Variants in CIZ1 observed in about 807,000 individuals in gnomAD.
CIZ1 encodes the protein cip1-interacting zinc finger protein.
Under a neutral mutation model 118.6 loss-of-function variants are expected in CIZ1, and 58 were observed. The observed-to-expected ratio is 0.49, with a 90% CI of 0.40 to 0.61. The LOEUF (loss-of-function observed/expected upper bound fraction) is 0.61, where lower values mean the gene tolerates loss of function less well. CIZ1 is among the 20% of genes least tolerant of loss of function. The pLI is 0.00. For missense variants in CIZ1, 921 were observed against 1,115.9 expected, an observed-to-expected ratio of 0.83 and a Z score of 2.49; for synonymous variants, 448 against 443.4, an observed-to-expected ratio of 1.01 and a Z score of -0.13.
intron 11 of CIZ1, among the ~76,000 whole-genome samples, chr9:128,171,337 G>A (rs921727254): frequency 6.6e-6 from 1 of 151,948 alleles, no homozygotes; most frequent in African/African-American, 2.4e-5. Flanking sequence ...GTTGAGGTGG[G>A]AGAATTCCTT....
rs34003070 is a variant in CIZ1, at chr9:128,188,049, C to CAAAAAAAAA, written c.287-124_287-116dup. 2.1e-3 allele frequency: 47 copies of CAAAAAAAAA among 22,314 alleles called. 2 individuals are homozygous for CAAAAAAAAA. Among genetic ancestry groups the CAAAAAAAAA allele is most frequent in the East Asian group, 0.011 (4 of 360 alleles). The allele number at this position is 22,314 out of a possible 1,614,324, so 1.4% of individuals were successfully genotyped here. A position where few individuals can be genotyped will look rare whatever the true frequency, so the allele number is the denominator to read the frequency against. ...TTCATCCCAGGGTTACTTAAAACAG[C>CAAAAAAAAA]AAAAAAAAAAAAAAAACCCAAAACA... On this transcript the variant is annotated intron_variant, in intron 3 of 16. Coordinates refer to ENST00000372938, the MANE Select transcript of CIZ1 (RefSeq NM_001131016.2).
At chr9:128,202,635 C>T (rs1259898972) in intron 1 of CIZ1, 1 of 152,304 alleles carries the variant, frequency 6.6e-6, no homozygotes, top group African/African-American at 2.4e-5. Flanking sequence ...GCAGAGAACA[C>T]CCCCGACTCC....
chr9:128,169,109 C>T lies in CIZ1; in HGVS notation c.2238G>A (p.Glu746=), dbSNP rs199744788. The change falls in exon 14 of 17, where the codon GAG becomes GAA. Residue 746 remains glutamate, a synonymous_variant. Transcript: ENST00000372938. ...CTTCTTCATCCTCATCATCCTCTTC[C>T]TCTTCTTCATCACCCTCGAAGCAAC... ...AVGCFEGDEE[E]EEDDEDEEEI... The T allele has an allele frequency of 5.6e-6, 9 of 1,614,080 alleles. No individual in the cohort carries two copies. In the East Asian group the frequency reaches 1.8e-4, roughly 32 times the overall value.
intron 1 of CIZ1, among the ~76,000 whole-genome samples, chr9:128,201,343 G>A (rs371332955): frequency 6.6e-6 from 1 of 151,954 alleles, no homozygotes; most frequent in South Asian, 2.1e-4. Flanking sequence ...CCAGCTACTC[G>A]GGAGGCTGAG....
chr9:128,172,097 G>A (rs1830189366), intron 11 of CIZ1, among the ~76,000 whole-genome samples: 1 of 127,804 alleles, frequency 7.8e-6, no homozygotes, highest in African/African-American at 2.9e-5. Context: ...GCATTGAGCT[G>A]TGATCACACC....
At chr9:128,183,975 C>T (rs1450517073) in intron 5 of CIZ1, among the ~76,000 whole-genome samples, 4 of 152,204 alleles carry the variant, frequency 2.6e-5, no homozygotes, top group African/African-American at 9.7e-5. Context: ...ACCATGTTGG[C>T]CAGGCTGGTC....
rs757979620 is a variant in CIZ1, at chr9:128,176,456, G to A, written c.1838C>T (p.Ser613Leu). The change falls in exon 11 of 17, where the codon TCG (serine) becomes TTG (leucine). Residue 613 changes from serine to leucine, a missense_variant. Ser to Leu is a moderately radical substitution (Grantham distance 145). Transcript: ENST00000372938. ...TAGCCGCTGCTGGTGCTGAGGCTCC[G>A]ACATGTGGTCCTGGAACTCCTGCAG... ...SSQQEFQDHM[S>L]EPQHQQRLGE... is the part of the protein sequence containing the mutation. 1.4e-5 allele frequency: 23 copies of A among 1,613,418 alleles called. No homozygotes were observed. Among genetic ancestry groups the A allele is most frequent in the South Asian group, 5.5e-5 (5 of 91,082 alleles).
intron 1 of CIZ1, among the ~76,000 whole-genome samples, chr9:128,198,711 C>T (rs926039800): frequency 2.0e-5 from 3 of 151,928 alleles, no homozygotes; most frequent in Non-Finnish European, 4.4e-5. Context: ...GAGTGCCTGT[C>T]GTTCCAGCTA....
At chr9:128,186,463 G>A (rs979246118) in intron 4 of CIZ1, among the ~76,000 whole-genome samples, 6 of 151,742 alleles carry the variant, frequency 4.0e-5, no homozygotes, top group African/African-American at 9.7e-5. Context: ...TGACTTTCCC[G>A]CTCCATCCCC....
chr9:128,172,250 T>C (rs533790322), intron 11 of CIZ1, among the ~76,000 whole-genome samples: 6 of 151,836 alleles, frequency 4.0e-5, no homozygotes, highest in African/African-American at 1.5e-4. Flanking sequence ...CCCAGCACTT[T>C]GGGAGGCCAA....
upstream of CIZ1, chr9:128,191,953 C>A (rs960884463): frequency 2.4e-5 from 34 of 1,393,500 alleles, no homozygotes; most frequent in Non-Finnish European, 2.8e-5. This position sits in a 1 kb window ranked among gnomAD's most constrained non-coding sequence, Gnocchi z 5.5. Flanking sequence ...TTCGAGGGAC[C>A]CAGGCCAGGC....
chr9:128,166,682 C>T lies in CIZ1; in HGVS notation c.2487+77G>A. On this transcript the variant is annotated intron_variant, in intron 16 of 16. Coordinates refer to ENST00000372938, the MANE Select transcript of CIZ1 (RefSeq NM_001131016.2). This position sits in a 1 kb window ranked among gnomAD's most constrained non-coding sequence, Gnocchi z 4.4. ...TGAGGCCCTGCACAAGAGGGAGTGG[C>T]CACTAGCCACCCGAATCAGCTTGGA... 3 of 1,584,890 alleles carry T rather than the reference C, an allele frequency of 1.9e-6. No individual in the cohort carries two copies. The highest frequency in any genetic ancestry group is 2.6e-6 in the Non-Finnish European group (3 of 1,156,374).
Position 128,179,355 on chromosome 9 carries a change from C to T in CIZ1, c.852G>A (p.Gln284=). Residue 284 remains glutamine (Q), a synonymous_variant, in exon 8 of 17, where the codon CAG becomes CAA. Transcript: ENST00000372938. ...TCTGTTTCGGTACTGTCATCCGGGCCTGCGGCTGGGCCTTCACCTGTAACT... is the reference window on the plus strand; with the variant it reads ...TCTGTTTCGGTACTGTCATCCGGGCTTGCGGCTGGGCCTTCACCTGTAACT... The part of the protein sequence containing the change: ...PGQLQVKAQP[Q]ARMTVPKQTQ... 6.2e-7 allele frequency: 1 copy of T among 1,613,978 alleles called. No homozygotes were observed. The highest frequency in any genetic ancestry group is 8.5e-7 in the Non-Finnish European group (1 of 1,179,958).
At chr9:128,186,474 A>C (rs1588231833) in intron 4 of CIZ1, among the ~76,000 whole-genome samples, 2 of 150,138 alleles carry the variant, frequency 1.3e-5, no homozygotes, top group African/African-American at 4.9e-5. Context: ...CTCCATCCCC[A>C]CTCCCACTCC....
chr9:128,170,302 G>C (rs1041374372), intron 11 of CIZ1, among the ~76,000 whole-genome samples, 195 bp from the exon 12 acceptor site: 43 of 152,208 alleles, frequency 2.8e-4, no homozygotes, highest in Non-Finnish European at 6.3e-4. Context: ...GGGGGAAGGG[G>C]AATGAAGCAC....
chr9:128,188,318 T>C (rs574603410), intron 3 of CIZ1, among the ~76,000 whole-genome samples: 1 of 152,220 alleles, frequency 6.6e-6, no homozygotes, highest in South Asian at 2.1e-4. Context: ...AATCATCAGA[T>C]ACAAATCCCC....
chr9:128,194,128 G>A (rs553461345), upstream of CIZ1, among the ~76,000 whole-genome samples: 417 of 152,214 alleles, frequency 2.7e-3, 2 homozygotes, highest in African/African-American at 9.8e-3. Context: ...TTGGGAGGCT[G>A]AAGCAGGCGG....
intron 11 of CIZ1, among the ~76,000 whole-genome samples, chr9:128,174,004 T>C (rs1830532417): frequency 7.7e-6 from 1 of 129,184 alleles, no homozygotes; most frequent in Admixed American, 8.6e-5. Flanking sequence ...AGACTCCATC[T>C]CAAAAACAAA....
intron 14 of CIZ1, 133 bp downstream of exon 14, chr9:128,168,919 C>T (rs1829782334): frequency 8.0e-7 from 1 of 1,245,904 alleles, no homozygotes; most frequent in South Asian, 1.4e-5. Context: ...AGGCAGTTGA[C>T]AGTAATCAGT....
Sources: gnomAD v4.1 joint callset for allele counts (sites outside exome capture counted in the v4.1 genomes callset) on GRCh38, gnomAD v4.1.1 for gene constraint, Gnocchi (gnomAD v3.1) non-coding constraint, MANE v1.5 for transcripts, NCBI Gene and HGNC (gene_info 2026-07-23, HGNC 2026-07-21) for gene names.